Variants in C1QTNF9 observed in about 807,000 individuals in gnomAD.
C1QTNF9 encodes the protein C1q and TNF related 9.
In C1QTNF9, 6 loss-of-function variants were observed where a neutral mutation model predicts 10.1. The observed-to-expected ratio is 0.59, with a 90% confidence interval of 0.32 to 1.17. C1QTNF9 has a LOEUF of 1.17. Among genes scored for constraint, C1QTNF9 ranks in the 50% most tolerant of loss-of-function variants. C1QTNF9 has a pLI of 0.04. For missense variants in C1QTNF9, 201 were observed against 418.8 expected (o/e 0.48, Z 4.54); for synonymous variants, 98 against 163.5 (o/e 0.60, Z 3.06).
chr13:24,314,574 T>G (rs7322219), intron 1 of C1QTNF9, among the ~76,000 whole-genome samples: 5 of 151,778 alleles, frequency 3.3e-5, no homozygotes, highest in African/African-American at 9.7e-5. Context: ...CCCAGCTACT[T>G]GAGAAGCCGA....
At chr13:24,309,286 TATATATA>T (rs1877723896), upstream of C1QTNF9, among the ~76,000 whole-genome samples, 1 of 25,870 alleles carries the variant, frequency 3.9e-5, no homozygotes, top group African/African-American at 7.2e-5. Context: ...TAAAGTATTA[TATATATA>T]TATATATATA....
upstream of C1QTNF9, chr13:24,307,239 G>A (rs1426265097): frequency 6.6e-6 from 1 of 152,272 alleles, no homozygotes; most frequent in Non-Finnish European, 1.5e-5. Flanking sequence ...GTAGGCGTGG[G>A]AGAAGGGGGG....
upstream of C1QTNF9, among the ~76,000 whole-genome samples, chr13:24,308,367 G>A (rs1240718692): frequency 2.0e-5 from 3 of 152,350 alleles, no homozygotes; most frequent in African/African-American, 4.8e-5. Context: ...GAGGGAGCCC[G>A]GCCAGAACTG....
chr13:24,320,935 A>G (rs1878228357), intron 3 of C1QTNF9, 61 bp from the exon 4 acceptor site: 15 of 1,552,508 alleles, frequency 9.7e-6, no homozygotes, highest in Admixed American at 1.9e-5. Context: ...TAGAAAAACC[A>G]AAGTTGTTCA....
At chr13:24,307,601 C>T (rs920870582), upstream of C1QTNF9, among the ~76,000 whole-genome samples, 5 of 152,248 alleles carry the variant, frequency 3.3e-5, no homozygotes, top group Admixed American at 2.0e-4. Flanking sequence ...CTCTTAATAT[C>T]CACCTGCTTC....
exon 4 of C1QTNF9, chr13:24,322,115 TA>T: frequency 4.7e-6 from 1 of 214,954 alleles, no homozygotes; most frequent in Non-Finnish European, 8.9e-6. Context: ...CTGAGGACAT[TA>T]AGGGGAAATT....
intron 1 of C1QTNF9, chr13:24,315,631 G>T (rs74040699): frequency 0.12 from 43,553 of 350,370 alleles, 3,114 homozygotes; most frequent in Middle Eastern, 0.22. Flanking sequence ...GATAAAATTT[G>T]ATCTGTACGA....
chr13:24,311,063 G>T (rs185434958), intron 1 of C1QTNF9, among the ~76,000 whole-genome samples: 1 of 152,282 alleles, frequency 6.6e-6, no homozygotes, highest in Admixed American at 6.5e-5. Flanking sequence ...GTCCTTTCCA[G>T]TGCATGCAGG....
exon 4 of C1QTNF9, chr13:24,321,824 C>A: frequency 6.7e-7 from 1 of 1,491,300 alleles, no homozygotes; most frequent in Non-Finnish European, 8.9e-7. Context: ...TTGGGATGAA[C>A]TTATTCAGAT....
chr13:24,313,999 T>G (rs1193904763), intron 1 of C1QTNF9, among the ~76,000 whole-genome samples: 1 of 152,188 alleles, frequency 6.6e-6, no homozygotes, highest in African/African-American at 2.4e-5. Flanking sequence ...TATTGTTACA[T>G]AGTATGTAGT....
chr13:24,307,381 T>C (rs1877638135), upstream of C1QTNF9, among the ~76,000 whole-genome samples: 1 of 152,208 alleles, frequency 6.6e-6, no homozygotes, highest in Non-Finnish European at 1.5e-5. Flanking sequence ...AACAACAGAC[T>C]GTGCCCTCTG....
chr13:24,315,124 G>A lies in C1QTNF9; in HGVS notation c.-22-858G>A, dbSNP rs530554084. On this transcript the variant is annotated intron_variant, in intron 1 of 3. Coordinates refer to ENST00000332018, the Ensembl canonical transcript of C1QTNF9. Reference sequence around the variant, plus strand: ...TGGCATTATGTACGTTCTCTTTGTTGTGCAACCATCACCACCACCCATCTC... The same window carrying A: ...TGGCATTATGTACGTTCTCTTTGTTATGCAACCATCACCACCACCCATCTC... Among the ~76,000 whole-genome samples the A allele has an allele frequency of 2.0e-5, 3 of 152,224 alleles. No homozygotes were observed. In the South Asian group the frequency reaches 6.2e-4, roughly 32 times the overall value.
At chr13:24,309,808 A>C (rs1263486239) in intron 1 of C1QTNF9, among the ~76,000 whole-genome samples, 192 bp downstream of exon 1, 1 of 152,226 alleles carries the variant, frequency 6.6e-6, no homozygotes, top group Non-Finnish European at 1.5e-5. Context: ...AAGAGGAGAT[A>C]AAAGCAGATT....
At chr13:24,315,714 G>A in intron 1 of C1QTNF9, 1 of 507,428 alleles carries the variant, frequency 2.0e-6, no homozygotes, top group Admixed American at 3.3e-5. Context: ...ATGATGAACG[G>A]AAGAGTATCC....
chr13:24,322,463 A>G (rs1170684362), exon 4 of C1QTNF9: 1 of 152,206 alleles, frequency 6.6e-6, no homozygotes, highest in East Asian at 1.9e-4. Flanking sequence ...TATTTGCCAG[A>G]CTTGAATCTC....
chr13:24,313,557 A>C (rs189496101), intron 1 of C1QTNF9, among the ~76,000 whole-genome samples: 98 of 152,262 alleles, frequency 6.4e-4, no homozygotes, highest in African/African-American at 2.2e-3. Context: ...AACTCAACTC[A>C]ATTTCCTGGA....
intron 3 of C1QTNF9, among the ~76,000 whole-genome samples, chr13:24,320,715 C>A (rs554982183): frequency 1.4e-4 from 21 of 151,606 alleles, no homozygotes; most frequent in African/African-American, 5.1e-4. Context: ...TCTTATTTTT[C>A]TTTTTCTTTT....
At chr13:24,309,726 T>C (rs1877738683) in intron 1 of C1QTNF9, 110 bp downstream of exon 1, 1 of 152,182 alleles carries the variant, frequency 6.6e-6, no homozygotes, top group African/African-American at 2.4e-5. Flanking sequence ...TGCAAAATAG[T>C]CAGATGTCTA....
intron 1 of C1QTNF9, among the ~76,000 whole-genome samples, chr13:24,314,354 A>C (rs1877947777): frequency 6.6e-6 from 1 of 151,722 alleles, no homozygotes; most frequent in African/African-American, 2.4e-5. Flanking sequence ...CCTGGGCAAC[A>C]GAGTGAGACC....
Sources: allele counts gnomAD v4.1 joint callset (sites outside exome capture counted in the v4.1 genomes callset), GRCh38; gene constraint gnomAD v4.1.1; transcripts MANE v1.5; gene names NCBI Gene and HGNC (gene_info 2026-07-23, HGNC 2026-07-21).